CATSPERD: variants seen among roughly 807,000 people sequenced by gnomAD.
CATSPERD encodes cation channel sperm-associated auxiliary subunit delta.
A neutral mutation model predicts 98.1 loss-of-function variants in CATSPERD; 86 were observed. The ratio of observed to expected loss-of-function variants is 0.88; its 90% CI spans 0.74 to 1.05. The LOEUF (loss-of-function observed/expected upper bound fraction) is 1.05. Among genes scored for constraint, CATSPERD ranks in the 50% least tolerant of loss-of-function variants. The probability of loss-of-function intolerance (pLI) is 0.00; values close to 1 mark genes in which losing one functional copy is unlikely to be tolerated. For missense variants in CATSPERD, 995 were observed against 1,005.7 expected, an observed-to-expected ratio of 0.99 and a Z score of 0.14; for synonymous variants, 394 against 390.2, an observed-to-expected ratio of 1.01 and a Z score of -0.12.
At chr19:5,745,846 C>T in intron 8 of CATSPERD, 67 bp from the exon 9 acceptor site, 3 of 1,552,944 alleles carry the variant, frequency 1.9e-6, no homozygotes, top group Non-Finnish European at 2.6e-6. Context: ...CCTCTTCCCT[C>T]ATTAGGACTC....
At chr19:5,727,047 C>T (rs2055618597) in intron 2 of CATSPERD, among the ~76,000 whole-genome samples, 1 of 151,932 alleles carries the variant, frequency 6.6e-6, no homozygotes, top group Non-Finnish European at 1.5e-5. Context: ...TAGAAAAAAC[C>T]AGCCGGGCAT....
intron 4 of CATSPERD, among the ~76,000 whole-genome samples, chr19:5,733,407 CTCCT>C (rs34670750): frequency 0.11 from 16,199 of 140,930 alleles, 950 homozygotes; most frequent in South Asian, 0.24. Flanking sequence ...TTCCTTTCTT[CTCCT>C]TCCTTCCTTC....
At chr19:5,769,098 G>A (rs1599590864) in intron 18 of CATSPERD, among the ~76,000 whole-genome samples, 1 of 151,672 alleles carries the variant, frequency 6.6e-6, no homozygotes, top group South Asian at 2.1e-4. Flanking sequence ...AGGTTGCAGT[G>A]AGCCAAGATT....
At chr19:5,765,148 A>G (rs367807990) in intron 16 of CATSPERD, among the ~76,000 whole-genome samples, 2 of 152,094 alleles carry the variant, frequency 1.3e-5, no homozygotes, top group African/African-American at 4.8e-5. Context: ...GCCTCAAGCA[A>G]TCCTACTGGC....
chr19:5,728,769 G>A (rs2055659525), intron 3 of CATSPERD, among the ~76,000 whole-genome samples: 1 of 151,082 alleles, frequency 6.6e-6, no homozygotes, highest in South Asian at 2.1e-4. Context: ...CGCAATCTCG[G>A]CTCACTGCAA....
chr19:5,756,766 G>A (rs931190643), intron 13 of CATSPERD, among the ~76,000 whole-genome samples: 3 of 151,928 alleles, frequency 2.0e-5, no homozygotes, highest in Non-Finnish European at 4.4e-5. Flanking sequence ...GCAACATGGT[G>A]AAACCTCGTC....
chr19:5,729,958 T>C lies in CATSPERD; in HGVS notation c.276+14T>C, dbSNP rs376072279. On this transcript the variant is annotated intron_variant, in intron 4 of 21. Coordinates refer to ENST00000381624, the MANE Select transcript of CATSPERD (RefSeq NM_152784.4). ...ACATCAATGCAGGTAGTTATTTTAC[T>C]GAGTGATCTGAAGGATGCTAGTATA... is the stretch of plus-strand genomic sequence containing the variant. 2.1e-6 allele frequency: 3 copies of C among 1,401,592 alleles called. No individual in the cohort carries two copies. In the African/African-American group the frequency reaches 4.3e-5, roughly 20 times the overall value. 86.8% of individuals were successfully genotyped at this position (1,401,592 alleles called of 1,614,324 possible).
chr19:5,725,585 A>C (rs2055588708), intron 2 of CATSPERD, among the ~76,000 whole-genome samples: 1 of 152,182 alleles, frequency 6.6e-6, no homozygotes, highest in African/African-American at 2.4e-5. Context: ...CTGTCAGTTC[A>C]AATTCGTTTC....
In CATSPERD at chr19:5,726,616, A is replaced by C. The variant is rs190879416; in HGVS notation, c.127-652A>C. ...AGGCTGGTCTCGAACTCCTGGCCTC[A>C]AGAAATCCTCCTGCCTCAGCCTCCC... On this transcript the variant is annotated intron_variant, in intron 2 of 21. Coordinates refer to ENST00000381624, the MANE Select transcript of CATSPERD (RefSeq NM_152784.4). Among the ~76,000 whole-genome samples the C allele has an allele frequency of 2.9e-3, 433 of 151,854 alleles. 1 individual carries two copies. The highest frequency in any genetic ancestry group is 3.8e-3 in the Non-Finnish European group (256 of 67,936).
chr19:5,770,661 A>G (rs973957915), intron 18 of CATSPERD, among the ~76,000 whole-genome samples: 46 of 151,494 alleles, frequency 3.0e-4, no homozygotes, highest in African/African-American at 1.1e-3. Context: ...CGTGCCTGTA[A>G]TCCCAGCCAC....
At chr19:5,735,548 C>T (rs1319568019) in intron 5 of CATSPERD, among the ~76,000 whole-genome samples, 1 of 148,428 alleles carries the variant, frequency 6.7e-6, no homozygotes. Flanking sequence ...TCTCGGCTCA[C>T]TGCAACCTCC....
chr19:5,736,853 C>G (rs940645419), intron 5 of CATSPERD, among the ~76,000 whole-genome samples: 1 of 151,624 alleles, frequency 6.6e-6, no homozygotes, highest in Admixed American at 6.6e-5. Flanking sequence ...GTCAGGAGAT[C>G]GAAACCATCC....
intron 13 of CATSPERD, among the ~76,000 whole-genome samples, chr19:5,755,852 C>A (rs1335355334): frequency 6.6e-6 from 1 of 151,112 alleles, no homozygotes; most frequent in African/African-American, 2.4e-5. Flanking sequence ...CACCTGTAGT[C>A]CCAGCTACTT....
chr19:5,765,439 T>C (rs1374431248), intron 16 of CATSPERD, among the ~76,000 whole-genome samples: 1 of 151,846 alleles, frequency 6.6e-6, no homozygotes, highest in African/African-American at 2.4e-5. Flanking sequence ...CATTCATTCA[T>C]TCATTCATTC....
Position 5,733,844 on chromosome 19 carries a change from G to A in CATSPERD, c.277-12G>A, listed in dbSNP as rs772322745. 5 of 1,571,770 alleles carry A rather than the reference G, an allele frequency of 3.2e-6. No individual in the cohort carries two copies. Among genetic ancestry groups the A allele is most frequent in the Non-Finnish European group, 4.4e-6 (5 of 1,145,380 alleles). On this transcript the variant is annotated splice_polypyrimidine_tract_variant and intron_variant, in intron 4 of 21. Coordinates refer to ENST00000381624, the MANE Select transcript of CATSPERD (RefSeq NM_152784.4). Reference sequence around the variant, plus strand: ...ATGCTCTCATTGATATCATCCATATGATAACTTTTAGGTCGGCGTACCAGA... The same window carrying A: ...ATGCTCTCATTGATATCATCCATATAATAACTTTTAGGTCGGCGTACCAGA...
At position 5,733,965 on chromosome 19, in the gene CATSPERD, C is replaced by T. The variant is rs755801099; in HGVS notation, c.386C>T (p.Ser129Phe). The stretch of plus-strand genomic sequence containing the variant: ...TATGAAAATAATTCTTGGAGCATGT[C>T]TTTAGGTATGTACATTTTGTATTTT... ...YDYENNSWSM[S>F]LGIKHPVTHV... Residue 129 changes from serine to phenylalanine, a missense_variant, in exon 5 of 22, where the codon TCT becomes TTT. Coordinates refer to ENST00000381624, the MANE Select transcript of CATSPERD (RefSeq NM_152784.4). The T allele has an allele frequency of 5.7e-6, 9 of 1,571,490 alleles. No individual in the cohort carries two copies. The South Asian group carries it at 9.1e-5, about 16-fold the overall frequency.
At position 5,744,478 on chromosome 19, in the gene CATSPERD, C is replaced by A. The variant is rs554757079; in HGVS notation, c.625C>A (p.Gln209Lys). The change falls in exon 8 of 22, where the codon CAG becomes AAG. Residue 209 changes from glutamine to lysine, a missense_variant. Coordinates refer to ENST00000381624, the MANE Select transcript of CATSPERD (RefSeq NM_152784.4). Reference protein sequence around the residue: ...GGIFHFFSLSQVAMLVVNQGK... With the variant: ...GGIFHFFSLSKVAMLVVNQGK... The stretch of plus-strand genomic sequence containing the variant: ...AATCTTCCACTTTTTTTCTTTGTCA[C>A]AGGTTGCGATGCTTGTAGTGAATCA... 1.2e-6 allele frequency: 2 copies of A among 1,612,652 alleles called. No individual in the cohort carries two copies. Among genetic ancestry groups the A allele is most frequent in the African/African-American group, 1.3e-5 (1 of 74,982 alleles).
chr19:5,731,724 C>T (rs953797037), intron 4 of CATSPERD, among the ~76,000 whole-genome samples: 62 of 149,640 alleles, frequency 4.1e-4, no homozygotes, highest in Non-Finnish European at 5.5e-4. Context: ...TACAGGCGCC[C>T]GCCACCGCGC....
intron 2 of CATSPERD, among the ~76,000 whole-genome samples, chr19:5,726,206 C>T (rs1031427503): frequency 4.0e-5 from 6 of 151,602 alleles, no homozygotes; most frequent in Admixed American, 6.6e-5. Context: ...GGATTACAGG[C>T]GTGCGCCACC....
Sources: gnomAD v4.1 joint callset for allele counts (sites outside exome capture counted in the v4.1 genomes callset) on GRCh38, gnomAD v4.1.1 for gene constraint, MANE v1.5 for transcripts, NCBI Gene and HGNC (gene_info 2026-07-23, HGNC 2026-07-21) for gene names.